Variants in PNLIPRP3 observed in about 807,000 individuals in gnomAD.
PNLIPRP3 encodes the protein pancreatic lipase related protein 3, also known as pancreatic lipase-related protein 3.
PNLIPRP3 carries 58 observed loss-of-function variants against 52.8 expected under a neutral mutation model. The observed-to-expected ratio is 1.10, with a 90% CI of 0.89 to 1.37. The LOEUF (loss-of-function observed/expected upper bound fraction) is 1.37. Among genes scored for constraint, PNLIPRP3 ranks in the 40% most tolerant of loss-of-function variants. The probability of loss-of-function intolerance (pLI) is 0.00; values close to 1 mark genes in which losing one functional copy is unlikely to be tolerated. For synonymous variants in PNLIPRP3, 192 were observed against 185.0 expected (o/e 1.04, Z -0.31); for missense variants, 593 against 561.6 (o/e 1.06, Z -0.57).
At chr10:116,439,800 C>T in intron 2 of PNLIPRP3, 1 of 774,992 alleles carries the variant, frequency 1.3e-6, no homozygotes, top group South Asian at 1.3e-5. Flanking sequence ...TCTTGCCTCC[C>T]TTAGCTGGTT....
chr10:116,461,578 A>C (rs1200538106), intron 7 of PNLIPRP3, among the ~76,000 whole-genome samples: 1 of 152,228 alleles, frequency 6.6e-6, no homozygotes, highest in Admixed American at 6.5e-5. Context: ...TTGAGTGTTT[A>C]CTATGTGCTA....
chr10:116,455,882 A>G lies in PNLIPRP3; in HGVS notation c.565+52A>G, dbSNP rs766635837. On this transcript the variant is annotated intron_variant, in intron 5 of 11. Transcript: ENST00000369230. ...GAGTGTGTTTAAATATTGTTTACAC[A>G]CACTACCAAGTATCTGAACACCAAG... 4 of 1,317,486 alleles carry G rather than the reference A, an allele frequency of 3.0e-6. No individual in the cohort carries two copies. The South Asian group carries it at 4.9e-5, about 16-fold the overall frequency. The allele number at this position is 1,317,486 out of a possible 1,614,324, so 81.6% of individuals were successfully genotyped here.
intron 4 of PNLIPRP3, among the ~76,000 whole-genome samples, chr10:116,451,671 C>T (rs534241408): frequency 1.3e-5 from 2 of 152,282 alleles, no homozygotes; most frequent in East Asian, 1.9e-4. Context: ...CCATGTGATA[C>T]CCCAGTCCCA....
At chr10:116,464,837 G>A (rs1846254907) in intron 7 of PNLIPRP3, among the ~76,000 whole-genome samples, 1 of 152,214 alleles carries the variant, frequency 6.6e-6, no homozygotes, top group South Asian at 2.1e-4. Context: ...ATAGGGGTGT[G>A]TCTCACATTG....
rs1237058758 is a variant in PNLIPRP3 at position 116,446,118 on chromosome 10, G to A, written c.456+1605G>A. Among the ~76,000 whole-genome samples the A allele has an allele frequency of 5.3e-5, 8 of 152,144 alleles. No homozygotes were observed. The South Asian group carries it at 1.2e-3, about 24-fold the overall frequency. Reference sequence around the variant, plus strand: ...TCCCAGCACTTTGGGAGGCCAAGGCGGGTAGATCACAAGGTCAGGAGATCG... The same window carrying A: ...TCCCAGCACTTTGGGAGGCCAAGGCAGGTAGATCACAAGGTCAGGAGATCG... On this transcript the variant is annotated intron_variant, in intron 4 of 11. Coordinates refer to ENST00000369230, the MANE Select transcript of PNLIPRP3 (RefSeq NM_001011709.3).
At chr10:116,458,366 C>A (rs1181078298) in intron 5 of PNLIPRP3, among the ~76,000 whole-genome samples, 2 of 152,012 alleles carry the variant, frequency 1.3e-5, no homozygotes, top group Non-Finnish European at 2.9e-5. Flanking sequence ...TAATAATTCT[C>A]TTCCCTTCTG....
intron 4 of PNLIPRP3, among the ~76,000 whole-genome samples, chr10:116,447,437 A>G (rs1845969328): frequency 1.3e-5 from 2 of 152,206 alleles, no homozygotes; most frequent in Admixed American, 1.3e-4. Context: ...AAGAAACAAT[A>G]TATACCAAAG....
At chr10:116,466,774 TG>T in intron 8 of PNLIPRP3, among the ~76,000 whole-genome samples, 1 of 152,346 alleles carries the variant, frequency 6.6e-6, no homozygotes, top group South Asian at 2.1e-4. Flanking sequence ...CCTAATCCCC[TG>T]TTTTATCACG....
chr10:116,432,991 G>GTAATCCCA (rs1182838413), intron 1 of PNLIPRP3, among the ~76,000 whole-genome samples: 1 of 151,590 alleles, frequency 6.6e-6, no homozygotes, highest in Non-Finnish European at 1.5e-5. Context: ...GTGCACACCT[G>GTAATCCCA]TAATCCCAGC....
chr10:116,454,122 T>A (rs946925824), intron 4 of PNLIPRP3, among the ~76,000 whole-genome samples: 7 of 152,114 alleles, frequency 4.6e-5, no homozygotes, highest in Non-Finnish European at 8.8e-5. Context: ...TCTCATTCTT[T>A]TTTTTTTGAG....
chr10:116,474,662 A>T (rs1421211790), intron 10 of PNLIPRP3, among the ~76,000 whole-genome samples: 2 of 152,244 alleles, frequency 1.3e-5, no homozygotes, highest in Non-Finnish European at 1.5e-5. Context: ...CACTTTTCAA[A>T]AGAAGACATA....
At chr10:116,453,752 C>G (rs1218013828) in intron 4 of PNLIPRP3, among the ~76,000 whole-genome samples, 3 of 152,124 alleles carry the variant, frequency 2.0e-5, no homozygotes, top group Admixed American at 1.3e-4. Context: ...TGATTCTAAG[C>G]TCCCTGAGGC....
Position 116,477,446 on chromosome 10 carries a change from G to A in PNLIPRP3, c.*293G>A, listed in dbSNP as rs1412370169. ...ATTTTCCTGAATAAGAGGAGGTGAT[G>A]CAAATGTATGTTGAGTGTATAAACT... On this transcript the variant is annotated 3_prime_UTR_variant, in exon 12 of 12. Transcript: ENST00000369230. 2 of 221,572 alleles carry A rather than the reference G, an allele frequency of 9.0e-6. No individual in the cohort carries two copies. Among genetic ancestry groups the A allele is most frequent in the Non-Finnish European group, 1.7e-5 (2 of 115,292 alleles). 13.7% of individuals were successfully genotyped at this position (221,572 alleles called of 1,614,324 possible).
chr10:116,448,692 GTTT>G, intron 4 of PNLIPRP3, among the ~76,000 whole-genome samples: 1 of 10,518 alleles, frequency 9.5e-5, no homozygotes, highest in African/African-American at 1.2e-4. Context: ...ATAAAAAGGT[GTTT>G]TGTTTTGTTT....
chr10:116,443,060 C>T lies in PNLIPRP3; in HGVS notation c.210C>T (p.Ile70=), dbSNP rs775476386. 6.3e-7 allele frequency: 1 copy of T among 1,582,252 alleles called. No homozygotes were observed. The highest frequency in any genetic ancestry group is 2.3e-5 in the East Asian group (1 of 43,972). Residue 70 remains isoleucine (I), a synonymous_variant, in exon 3 of 12, where the codon ATC becomes ATT. Transcript: ENST00000369230. ...TCTCTTTCTGCTTGAAACAGGAGAT[C>T]AGTGCGGTTAATTCTTCAACTATCC... ...TIHNPNAYQE[I]SAVNSSTIQA...
chr10:116,436,945 G>A (rs1845783251), intron 2 of PNLIPRP3, 80 bp downstream of exon 2: 3 of 1,349,062 alleles, frequency 2.2e-6, no homozygotes, highest in East Asian at 4.7e-5. Flanking sequence ...CATAGATACA[G>A]TAACCTATTC....
At chr10:116,469,114 T>C (rs966493605) in intron 8 of PNLIPRP3, 71 bp from the exon 9 acceptor site, 5 of 1,375,102 alleles carry the variant, frequency 3.6e-6, no homozygotes, top group Middle Eastern at 2.3e-4. Flanking sequence ...TATTTAATAA[T>C]ATATAGCGAG....
intron 4 of PNLIPRP3, among the ~76,000 whole-genome samples, chr10:116,453,775 A>T (rs1160750434): frequency 2.0e-5 from 3 of 152,144 alleles, no homozygotes; most frequent in Non-Finnish European, 4.4e-5. Flanking sequence ...CACCAGAAGC[A>T]GATGCCAGCA....
chr10:116,453,844 G>A (rs535770883), intron 4 of PNLIPRP3, among the ~76,000 whole-genome samples: 5 of 152,074 alleles, frequency 3.3e-5, no homozygotes, highest in African/African-American at 1.2e-4. Flanking sequence ...AGGTATAGAC[G>A]TGCCGTGATG....
Sources: allele counts gnomAD v4.1 joint callset (sites outside exome capture counted in the v4.1 genomes callset), GRCh38; gene constraint gnomAD v4.1.1; transcripts MANE v1.5; gene names NCBI Gene and HGNC (gene_info 2026-07-23, HGNC 2026-07-21).